Variants in CLUAP1 observed in about 807,000 individuals in gnomAD.
CLUAP1 encodes intraflagellar transport 38, also known as clusterin-associated protein 1.
CLUAP1 carries 50 observed loss-of-function variants against 55.0 expected under a neutral mutation model. The observed-to-expected ratio is 0.91, with a 90% CI of 0.72 to 1.15. CLUAP1 has a LOEUF of 1.15. Among genes scored for constraint, CLUAP1 ranks in the 50% most tolerant of loss-of-function variants. The probability of loss-of-function intolerance (pLI) is 0.00; values close to 1 mark genes in which losing one functional copy is unlikely to be tolerated. For synonymous variants in CLUAP1, 195 were observed against 175.4 expected (o/e 1.11, Z -0.88); for missense variants, 530 against 507.6 (o/e 1.04, Z -0.42).
chr16:3,518,218 TA>T (rs912461292), intron 6 of CLUAP1, among the ~76,000 whole-genome samples: 3 of 151,854 alleles, frequency 2.0e-5, no homozygotes, highest in African/African-American at 7.3e-5. Context: ...ATTTAAAAAT[TA>T]AAAAAAAATT....
At chr16:3,512,771 C>T (rs1314692492) in intron 5 of CLUAP1, among the ~76,000 whole-genome samples, 3 of 152,160 alleles carry the variant, frequency 2.0e-5, no homozygotes, top group Non-Finnish European at 2.9e-5. Context: ...AGCTCCGCCT[C>T]CCAGGTTCAC....
chr16:3,524,191 A>G (rs1482956543), intron 8 of CLUAP1, among the ~76,000 whole-genome samples: 2 of 152,032 alleles, frequency 1.3e-5, no homozygotes, highest in East Asian at 3.9e-4. Context: ...TGTCTCAGCT[A>G]CTTGGGAGGC....
intron 6 of CLUAP1, among the ~76,000 whole-genome samples, chr16:3,519,026 A>G (rs1199658552): frequency 1.3e-5 from 2 of 152,218 alleles, no homozygotes. Context: ...TTCCACGCTC[A>G]GCTGGGTGGC....
chr16:3,533,204 C>T (rs1344676561), intron 11 of CLUAP1: 19 of 1,472,158 alleles, frequency 1.3e-5, no homozygotes, highest in African/African-American at 1.4e-5. Context: ...TGTCAGCCCT[C>T]CCGGGGCCAG....
intron 9 of CLUAP1, among the ~76,000 whole-genome samples, chr16:3,529,276 C>G (rs1224209175): frequency 6.8e-6 from 1 of 147,986 alleles, no homozygotes; most frequent in Non-Finnish European, 1.5e-5. Flanking sequence ...CTTTGTAGAT[C>G]TTTTTTGAAC....
chr16:3,510,386 C>T (rs149182406), intron 4 of CLUAP1, among the ~76,000 whole-genome samples: 163 of 152,068 alleles, frequency 1.1e-3, no homozygotes, highest in African/African-American at 3.1e-3. Context: ...CTGCCTGCCT[C>T]GGCCTCCCGT....
At chr16:3,529,669 ATTATATAT>A (rs1202788357) in intron 9 of CLUAP1, among the ~76,000 whole-genome samples, 2 of 18,386 alleles carry the variant, frequency 1.1e-4, no homozygotes, top group Admixed American at 1.1e-3. Flanking sequence ...ATTATATATT[ATTATATAT>A]TATATATTAT....
At position 3,528,299 on chromosome 16, in the gene CLUAP1, C is replaced by T. The variant is rs79753251; in HGVS notation, c.928+1815C>T. On this transcript the variant is annotated intron_variant, in intron 9 of 11. Coordinates refer to ENST00000576634, the MANE Select transcript of CLUAP1 (RefSeq NM_015041.3). Reference sequence around the variant, plus strand: ...ATACTTGAGGCATCAGGCCCACACACATGCTCCCACACACACTCTCTCTCT... The same window carrying T: ...ATACTTGAGGCATCAGGCCCACACATATGCTCCCACACACACTCTCTCTCT... Among the ~76,000 whole-genome samples the T allele has an allele frequency of 7.2e-3, 1,096 of 152,290 alleles. 6 individuals carry two copies. The highest frequency in any genetic ancestry group is 0.024 in the Middle Eastern group (7 of 294).
In CLUAP1 at chr16:3,536,125, G is replaced by T. The variant is rs1346382844; in HGVS notation, c.1096G>T (p.Asp366Tyr). The stretch of plus-strand genomic sequence containing the variant: ...ATCTGCCATTTTTTTCCTATAGGAG[G>T]ACTCGGAGGAGAGTGAAATTGACAT... ...MQGGDSDDNE[D>Y]SEESEIDMED... Residue 366 changes from aspartate (D) to tyrosine (Y), a missense_variant, in exon 12 of 12, where the codon GAC (aspartate) becomes TAC (tyrosine). Asp to Tyr is a radical substitution (Grantham distance 160). Transcript: ENST00000576634. 8 of 1,613,934 alleles carry T rather than the reference G, an allele frequency of 5.0e-6. No homozygotes were observed. Among genetic ancestry groups the T allele is most frequent in the Non-Finnish European group, 6.8e-6 (8 of 1,179,962 alleles).
rs1596397648 is a variant in CLUAP1 at position 3,523,245 on chromosome 16, T to G, written c.801T>G (p.Thr267=). 6.2e-7 allele frequency: 1 copy of G among 1,613,982 alleles called. No individual in the cohort carries two copies. ...ATCTGGAGAAATTTCAAAATCTGACTTATCTGGAACAACAGCTTGAAGACC... is the reference window on the plus strand; with the variant it reads ...ATCTGGAGAAATTTCAAAATCTGACGTATCTGGAACAACAGCTTGAAGACC... The part of the protein sequence containing the change: ...DTYLEKFQNL[T]YLEQQLEDHH... The change falls in exon 8 of 12, where the codon ACT becomes ACG. Residue 267 remains threonine, a synonymous_variant. Coordinates refer to ENST00000576634, the MANE Select transcript of CLUAP1 (RefSeq NM_015041.3).
intron 1 of CLUAP1, among the ~76,000 whole-genome samples, chr16:3,502,777 T>C (rs1596381097): frequency 6.6e-6 from 1 of 151,912 alleles, no homozygotes; most frequent in East Asian, 1.9e-4. Flanking sequence ...TAGAATGGGG[T>C]TTTGTTGGGG....
upstream of CLUAP1, among the ~76,000 whole-genome samples, chr16:3,496,987 C>T (rs971135195): frequency 3.3e-5 from 5 of 151,564 alleles, no homozygotes; most frequent in Admixed American, 2.6e-4. Flanking sequence ...TCTCCTGCCT[C>T]GGCCTCCCCA....
chr16:3,532,552 C>A (rs2038145952), intron 10 of CLUAP1, among the ~76,000 whole-genome samples: 1 of 149,904 alleles, frequency 6.7e-6, no homozygotes, highest in Non-Finnish European at 1.5e-5. Context: ...GTAGCTGAGA[C>A]TACAGGTGTG....
chr16:3,500,863 C>T, upstream of CLUAP1: 1 of 593,268 alleles, frequency 1.7e-6, no homozygotes, highest in Non-Finnish European at 3.0e-6. Context: ...CGCCCTCTGC[C>T]CTCGGCGTCT....
In CLUAP1 at chr16:3,538,545, C is replaced by G. The variant is rs2038279689; in HGVS notation, c.*2274C>G. On this transcript the variant is annotated 3_prime_UTR_variant, in exon 12 of 12. Transcript: ENST00000576634. ...TTTGAAAAAACATACGAATAGAGTT[C>G]TATTTTCCTTATGTGATGCTTTCTT... is the stretch of plus-strand genomic sequence containing the variant. The G allele has an allele frequency of 6.6e-6, 1 of 152,176 alleles. No individual in the cohort carries two copies. The highest frequency in any genetic ancestry group is 1.5e-5 in the Non-Finnish European group (1 of 68,036). 9.4% of individuals were successfully genotyped at this position (152,176 alleles called of 1,614,324 possible).
rs1173678797 is a variant in CLUAP1, at chr16:3,538,579, C to G, written c.*2308C>G. ...TTATGTGATGCTTTCTTCTAACACACTTTAACACAGAAGCCTAACCTAGCT... is the reference window on the plus strand; with the variant it reads ...TTATGTGATGCTTTCTTCTAACACAGTTTAACACAGAAGCCTAACCTAGCT... On this transcript the variant is annotated 3_prime_UTR_variant, in exon 12 of 12. Coordinates refer to ENST00000576634, the MANE Select transcript of CLUAP1 (RefSeq NM_015041.3). The G allele has an allele frequency of 6.6e-6, 1 of 152,202 alleles. No homozygotes were observed. The highest frequency in any genetic ancestry group is 2.4e-5 in the African/African-American group (1 of 41,450). The allele number at this position is 152,202 out of a possible 1,614,324, so 9.4% of individuals were successfully genotyped here.
At chr16:3,510,957 A>G (rs1482123105) in intron 4 of CLUAP1, among the ~76,000 whole-genome samples, 1 of 152,204 alleles carries the variant, frequency 6.6e-6, no homozygotes, top group Non-Finnish European at 1.5e-5. Flanking sequence ...CAATCAGCAC[A>G]CAGATGGTAT....
chr16:3,529,564 TATATTATATATTATATA>T (rs1443242401), intron 9 of CLUAP1, among the ~76,000 whole-genome samples: 8 of 46,716 alleles, frequency 1.7e-4, no homozygotes, highest in Admixed American at 8.1e-4. Context: ...TATATTATTA[TATATTATATATTATATA>T]ATATTATATA....
At position 3,519,254 on chromosome 16, in the gene CLUAP1, A is replaced by G. The variant is rs74005827; in HGVS notation, c.580-649A>G. On this transcript the variant is annotated intron_variant, in intron 6 of 11. Coordinates refer to ENST00000576634, the MANE Select transcript of CLUAP1 (RefSeq NM_015041.3). ...TCTGTTGCCCAAGGGCCTCTGTCCA[A>G]CTGTTGCCCTGGACCCCTTCCAGAG... Among the ~76,000 whole-genome samples the G allele has an allele frequency of 9.3e-3, 1,422 of 152,294 alleles. 31 individuals are homozygous for G. The highest frequency in any genetic ancestry group is 0.033 in the African/African-American group (1,357 of 41,572).
Sources: allele counts gnomAD v4.1 joint callset (sites outside exome capture counted in the v4.1 genomes callset), GRCh38; gene constraint gnomAD v4.1.1; transcripts MANE v1.5; gene names NCBI Gene and HGNC (gene_info 2026-07-23, HGNC 2026-07-21).